The following DACH1 variants were observed in gnomAD, a reference collection of about 807,000 sequenced individuals.
DACH1 encodes the protein dachshund family transcription factor 1, also known as dachshund homolog 1.
A neutral mutation model predicts 54.2 loss-of-function variants in DACH1; 12 were observed. That is an observed-to-expected ratio of 0.22 (90% CI 0.14 to 0.36). The LOEUF (loss-of-function observed/expected upper bound fraction) is 0.36. DACH1 is among the 10% of genes least tolerant of loss of function. The pLI is 1.00. For missense variants in DACH1, 805 were observed against 929.8 expected (o/e 0.87, Z 1.75); for synonymous variants, 386 against 366.2 (o/e 1.05, Z -0.62).
chr13:71,732,310 C>T (rs567802172), intron 1 of DACH1, among the ~76,000 whole-genome samples: 9 of 152,186 alleles, frequency 5.9e-5, no homozygotes, highest in South Asian at 2.1e-4. Context: ...CTGGGCCAGG[C>T]GCAGTGGCTC....
chr13:71,732,509 C>T (rs1296672850), intron 1 of DACH1, among the ~76,000 whole-genome samples: 5 of 150,744 alleles, frequency 3.3e-5, no homozygotes, highest in South Asian at 4.2e-4. Context: ...CACTTGAACC[C>T]GGGAGGTGGA....
intron 3 of DACH1, among the ~76,000 whole-genome samples, chr13:71,603,604 GTTTTC>G (rs1874665496): frequency 6.6e-6 from 1 of 151,806 alleles, no homozygotes; most frequent in African/African-American, 2.4e-5. Flanking sequence ...TGTATAACTT[GTTTTC>G]TTTTCTGTGT....
At chr13:71,731,004 T>A (rs1216943815) in intron 1 of DACH1, among the ~76,000 whole-genome samples, 1 of 152,106 alleles carries the variant, frequency 6.6e-6, no homozygotes, top group Non-Finnish European at 1.5e-5. Context: ...AATACAGTTA[T>A]AGCAATTAAC....
intron 1 of DACH1, among the ~76,000 whole-genome samples, chr13:71,729,833 C>T (rs893486298): frequency 1.3e-5 from 2 of 151,966 alleles, no homozygotes; most frequent in African/African-American, 4.8e-5. Context: ...GCAGAATAAG[C>T]CAAGCCTGAT....
chr13:71,502,416 CTT>C (rs1034465675), intron 6 of DACH1, among the ~76,000 whole-genome samples: 5 of 152,154 alleles, frequency 3.3e-5, no homozygotes, highest in Non-Finnish European at 5.9e-5. Flanking sequence ...CAGAATATCT[CTT>C]TGGAAATTTC....
At position 71,438,641 on chromosome 13, in the gene DACH1, T is replaced by A. The variant is rs1215815096; in HGVS notation, c.*2014A>T. The A allele has an allele frequency of 1.3e-5, 2 of 152,566 alleles. No homozygotes were observed. The highest frequency in any genetic ancestry group is 1.3e-4 in the Admixed American group (2 of 15,264). The allele number at this position is 152,566 out of a possible 1,614,324, so 9.5% of individuals were successfully genotyped here. A position where few individuals can be genotyped will look rare whatever the true frequency, so the allele number is the denominator to read the frequency against. The stretch of plus-strand genomic sequence containing the variant: ...TGCCAGGAGCAGAGCAATGGCTGAT[T>A]CTACTACATATGTAAGTTGTAGGCT... On this transcript the variant is annotated 3_prime_UTR_variant, in exon 11 of 11. Transcript: ENST00000613252.
rs116283627 is a variant in DACH1, at chr13:71,737,457, T to C, written c.849-55547A>G. On this transcript the variant is annotated intron_variant, in intron 1 of 10. Coordinates refer to ENST00000613252, the MANE Select transcript of DACH1 (RefSeq NM_080759.6). The stretch of plus-strand genomic sequence containing the variant: ...GCCAAAGCACTAAAGCCACAGAACA[T>C]ACAATATTTATGAAAAACAGCAGTA... Among the ~76,000 whole-genome samples the C allele has an allele frequency of 4.1e-3, 617 of 152,224 alleles. 2 individuals carry two copies. The highest frequency in any genetic ancestry group is 0.014 in the African/African-American group (581 of 41,528).
chr13:71,729,126 G>C (rs1883618225), intron 1 of DACH1, among the ~76,000 whole-genome samples: 2 of 151,698 alleles, frequency 1.3e-5, no homozygotes, highest in African/African-American at 4.8e-5. Context: ...GCTTCACCTG[G>C]GGCACTTCAT....
chr13:71,708,251 T>C (rs1882542575), intron 1 of DACH1, among the ~76,000 whole-genome samples: 1 of 152,156 alleles, frequency 6.6e-6, no homozygotes, highest in Non-Finnish European at 1.5e-5. Flanking sequence ...AACCATATAG[T>C]CAAATTAAAG....
intron 6 of DACH1, among the ~76,000 whole-genome samples, chr13:71,542,148 G>C (rs542235231): frequency 6.6e-6 from 1 of 152,038 alleles, no homozygotes; most frequent in South Asian, 2.1e-4. Context: ...TACTTAGTAG[G>C]CTGAGGGAGG....
At chr13:71,836,256 T>C (rs1389830591) in intron 1 of DACH1, among the ~76,000 whole-genome samples, 2 of 151,942 alleles carry the variant, frequency 1.3e-5, no homozygotes, top group East Asian at 3.9e-4. Flanking sequence ...AATTCTACAT[T>C]TTCCAAAAAA....
chr13:71,540,593 A>G (rs930911061), intron 6 of DACH1, among the ~76,000 whole-genome samples: 1 of 152,272 alleles, frequency 6.6e-6, no homozygotes, highest in African/African-American at 2.4e-5. Flanking sequence ...TCATTAATAA[A>G]TGAAACTGAT....
rs1782815281 is a variant in DACH1, at chr13:71,645,364, G to A, written c.965-14647C>T. 2.6e-5 allele frequency among the ~76,000 whole-genome samples: 4 copies of A among 152,312 alleles called. No individual in the cohort carries two copies. The South Asian group carries it at 8.3e-4, about 32-fold the overall frequency. On this transcript the variant is annotated intron_variant, in intron 2 of 10. Transcript: ENST00000613252. Reference sequence around the variant, plus strand: ...AATGTACATAAGTGAATGACAAGTTGCATGTATGTGCGTAAACGATTTAGT... The same window carrying A: ...AATGTACATAAGTGAATGACAAGTTACATGTATGTGCGTAAACGATTTAGT...
intron 1 of DACH1, among the ~76,000 whole-genome samples, chr13:71,764,276 T>C (rs1268378819): frequency 6.6e-6 from 1 of 152,162 alleles, no homozygotes; most frequent in Admixed American, 6.5e-5. Flanking sequence ...GGCATGTTCC[T>C]ATAGTCCCAG....
intron 1 of DACH1, among the ~76,000 whole-genome samples, chr13:71,715,543 C>T (rs1882927982): frequency 6.6e-6 from 1 of 151,994 alleles, no homozygotes; most frequent in African/African-American, 2.4e-5. Flanking sequence ...TGTCACTATT[C>T]TTCCTCCTGC....
chr13:71,807,679 C>T (rs1227492958), intron 1 of DACH1, among the ~76,000 whole-genome samples: 1 of 152,022 alleles, frequency 6.6e-6, no homozygotes, highest in African/African-American at 2.4e-5. Context: ...TACATCACAT[C>T]GATGTTAATA....
At chr13:71,847,075 A>T (rs1873327423) in intron 1 of DACH1, among the ~76,000 whole-genome samples, 1 of 152,156 alleles carries the variant, frequency 6.6e-6, no homozygotes, top group Admixed American at 6.5e-5. Context: ...AGGTAAAGAC[A>T]AAACCTCGGC....
chr13:71,552,547 G>A (rs1883882822), intron 6 of DACH1, among the ~76,000 whole-genome samples: 1 of 151,536 alleles, frequency 6.6e-6, no homozygotes. Context: ...ATGCATGAGA[G>A]AGCAACACTG....
intron 1 of DACH1, among the ~76,000 whole-genome samples, chr13:71,826,929 T>G (rs1197436579): frequency 6.6e-6 from 1 of 152,032 alleles, no homozygotes; most frequent in Non-Finnish European, 1.5e-5. Flanking sequence ...TGAACCAAAG[T>G]CTTCCGAAAG....
Sources: allele counts gnomAD v4.1 joint callset (sites outside exome capture counted in the v4.1 genomes callset), GRCh38; gene constraint gnomAD v4.1.1; transcripts MANE v1.5; gene names NCBI Gene and HGNC (gene_info 2026-07-23, HGNC 2026-07-21).